Variants in PRIM2 observed in about 807,000 individuals in gnomAD.
The protein encoded by PRIM2 is DNA primase subunit 2, also known as DNA primase large subunit.
Under a neutral mutation model 67.3 loss-of-function variants are expected in PRIM2, and 39 were observed. The observed-to-expected ratio is 0.58, with a 90% CI of 0.45 to 0.76. The LOEUF is 0.76. Ranked by LOEUF, PRIM2 falls within the 30% of genes least tolerant of loss-of-function variation. The pLI, the probability that PRIM2 is intolerant of heterozygous loss-of-function variation, is 0.00. For missense variants in PRIM2, 398 were observed against 598.7 expected (o/e 0.66, Z 3.50); for synonymous variants, 143 against 198.7 (o/e 0.72, Z 2.36).
chr6:57,506,145 A>AT (rs1191374936), intron 7 of PRIM2, among the ~76,000 whole-genome samples: 4 of 110,406 alleles, frequency 3.6e-5, no homozygotes, highest in African/African-American at 9.3e-5. Flanking sequence ...AATACTTAGT[A>AT]TTTTTCAGGG....
the PRIM2 span, among the ~76,000 whole-genome samples, chr6:57,232,817 T>A: frequency 6.6e-6 from 1 of 152,216 alleles, no homozygotes; most frequent in Non-Finnish European, 1.5e-5. Flanking sequence ...GACACCAAAT[T>A]GTAAGTCAGA....
At chr6:57,530,340 C>G (rs1373479675) in intron 8 of PRIM2, among the ~76,000 whole-genome samples, 1 of 152,124 alleles carries the variant, frequency 6.6e-6, no homozygotes, top group Non-Finnish European at 1.5e-5. Context: ...TGTGAGAAGG[C>G]AAATAAATGG....
At chr6:57,588,817 C>A (rs1776239005) in intron 10 of PRIM2, among the ~76,000 whole-genome samples, 1 of 152,120 alleles carries the variant, frequency 6.6e-6, no homozygotes, top group Admixed American at 6.5e-5. Flanking sequence ...TCTTGGAGGT[C>A]TGGCCTGAAA....
chr6:57,270,834 T>C, the PRIM2 span, among the ~76,000 whole-genome samples: 7 of 152,322 alleles, frequency 4.6e-5, no homozygotes, highest in Admixed American at 4.6e-4. Context: ...GTTTTTAGCA[T>C]GAAGCGTTGT....
At chr6:57,309,090 G>A in the PRIM2 span, among the ~76,000 whole-genome samples, 1 of 151,392 alleles carries the variant, frequency 6.6e-6, no homozygotes, top group Non-Finnish European at 1.5e-5. Flanking sequence ...TGCGGCCTTC[G>A]GCCCTGTTTG....
At chr6:57,611,203 A>G (rs1469512041) in intron 12 of PRIM2, among the ~76,000 whole-genome samples, 2 of 152,236 alleles carry the variant, frequency 1.3e-5, no homozygotes, top group African/African-American at 2.4e-5. Context: ...ACATTTCAAA[A>G]AGTATTAGTT....
chr6:57,337,594 C>T (rs9475853), intron 5 of PRIM2, among the ~76,000 whole-genome samples: 103,711 of 150,530 alleles, frequency 0.69, 35,786 homozygotes, highest in African/African-American at 0.76. Flanking sequence ...ACTGAACAAC[C>T]TGCTCCTGAA....
chr6:57,364,688 C>G (rs534421634), intron 5 of PRIM2, among the ~76,000 whole-genome samples: 1 of 151,888 alleles, frequency 6.6e-6, no homozygotes, highest in Non-Finnish European at 1.5e-5. Flanking sequence ...AAGAGTCTTC[C>G]GCTTGGCAGG....
intron 5 of PRIM2, among the ~76,000 whole-genome samples, chr6:57,363,107 T>G (rs996016876): frequency 6.6e-6 from 1 of 152,156 alleles, no homozygotes; most frequent in Non-Finnish European, 1.5e-5. Flanking sequence ...GAAATAAAAT[T>G]TCAACTACAT....
chr6:57,382,035 C>T lies in PRIM2; in HGVS notation c.560C>T (p.Pro187Leu), dbSNP rs1769975751. ...CCTGTTTTACTCTTAATTCAGATCC[C>T]TTTTGCTGATGCTCTGGATTTGTTT... Reference protein sequence around the residue: ...KLGFESIYKIPFADALDLFRG... With the variant: ...KLGFESIYKILFADALDLFRG... Residue 187 changes from proline to leucine, a missense_variant, in exon 7 of 14, where the codon CCT (proline) becomes CTT (leucine). Physicochemically the swap from Pro to Leu is moderately conservative, Grantham distance 98. This residue lies in a region of PRIM2 where 229 missense variants were observed against 383.6 expected (regional missense o/e 0.60). Coordinates refer to ENST00000615550, the MANE Select transcript of PRIM2 (RefSeq NM_000947.5). The T allele has an allele frequency of 1.9e-6, 3 of 1,608,998 alleles. No individual in the cohort carries two copies. The highest frequency in any genetic ancestry group is 3.4e-5 in the Admixed American group (2 of 59,310).
intron 7 of PRIM2, among the ~76,000 whole-genome samples, chr6:57,449,326 C>T (rs1772461088): frequency 1.3e-5 from 2 of 152,132 alleles, no homozygotes; most frequent in Non-Finnish European, 1.5e-5. Context: ...AGTCTTTAAA[C>T]AGTTCTCTTG....
chr6:57,233,888 C>T, the PRIM2 span, among the ~76,000 whole-genome samples: 2 of 152,062 alleles, frequency 1.3e-5, no homozygotes, highest in Non-Finnish European at 2.9e-5. Flanking sequence ...GACTCAATCT[C>T]CTGGGCTCAA....
intron 8 of PRIM2, among the ~76,000 whole-genome samples, chr6:57,509,435 C>T (rs1554347516): frequency 6.6e-6 from 1 of 152,200 alleles, no homozygotes; most frequent in Non-Finnish European, 1.5e-5. Context: ...GAGTATATCT[C>T]TTGCTATCAT....
At chr6:57,452,407 A>G (rs1772587112) in intron 7 of PRIM2, among the ~76,000 whole-genome samples, 1 of 152,218 alleles carries the variant, frequency 6.6e-6, no homozygotes, top group South Asian at 2.1e-4. Context: ...CCAACAGTGT[A>G]AAAGTGTTCC....
the PRIM2 span, among the ~76,000 whole-genome samples, chr6:57,299,052 T>C: frequency 6.6e-6 from 1 of 151,574 alleles, no homozygotes; most frequent in Non-Finnish European, 1.5e-5. Context: ...GTGCCTGAAT[T>C]TCTCTCTCTC....
chr6:57,426,161 CATCAT>C (rs1309039889), intron 7 of PRIM2, among the ~76,000 whole-genome samples: 18 of 152,140 alleles, frequency 1.2e-4, no homozygotes, highest in Non-Finnish European at 7.3e-5. Flanking sequence ...AGTATACACT[CATCAT>C]ATAAGTATTA....
At chr6:57,576,057 C>T (rs1463303318) in intron 10 of PRIM2, among the ~76,000 whole-genome samples, 94 of 152,226 alleles carry the variant, frequency 6.2e-4, no homozygotes, top group African/African-American at 2.0e-3. Flanking sequence ...GGATTACAGG[C>T]GTGAGCCACC....
At chr6:57,311,248 T>TCCTCACTTCCCAGAGGGGGCGG (rs1767382408), upstream of PRIM2, among the ~76,000 whole-genome samples, 1 of 17,074 alleles carries the variant, frequency 5.9e-5, no homozygotes, top group Non-Finnish European at 1.3e-4. Context: ...GGACGGGGCA[T>TCCTCACTTCCCAGAGGGGGCGG]CCGGGCAGAG....
intron 10 of PRIM2, among the ~76,000 whole-genome samples, chr6:57,574,358 G>A (rs1381494134): frequency 0.72 from 108,280 of 150,802 alleles, 39,542 homozygotes; most frequent in African/African-American, 0.85. Context: ...TGTGGAGTGT[G>A]CTTTCACTAC....
Sources: gnomAD v4.1 joint callset for allele counts (sites outside exome capture counted in the v4.1 genomes callset) on GRCh38, gnomAD v4.1.1 for gene constraint, gnomAD v4.1.1 regional missense constraint, MANE v1.5 for transcripts, NCBI Gene and HGNC (gene_info 2026-07-23, HGNC 2026-07-21) for gene names.